PTPRD: variants seen among roughly 807,000 people sequenced by gnomAD.
PTPRD encodes the protein receptor-type tyrosine-protein phosphatase delta.
A neutral mutation model predicts 214.5 loss-of-function variants in PTPRD; 34 were observed. The ratio of observed to expected loss-of-function variants is 0.16; its 90% CI spans 0.12 to 0.21. The LOEUF (loss-of-function observed/expected upper bound fraction) is 0.21, where lower values mean the gene tolerates loss of function less well. PTPRD is among the 10% of genes least tolerant of loss of function. The pLI is 1.00. For synonymous variants in PTPRD, 1,128 were observed against 845.7 expected (o/e 1.33, Z -5.79); for missense variants, 2,545 against 2,398.7 (o/e 1.06, Z -1.27).
chr9:9,007,029 AAAGT>A (rs1368563218), intron 11 of PTPRD, among the ~76,000 whole-genome samples: 2 of 151,974 alleles, frequency 1.3e-5, no homozygotes, highest in Non-Finnish European at 2.9e-5. Flanking sequence ...TAGCAAGTAA[AAAGT>A]AAGTTCAGCT....
chr9:8,687,788 A>C (rs1292666683), intron 12 of PTPRD, among the ~76,000 whole-genome samples: 1 of 151,558 alleles, frequency 6.6e-6, no homozygotes, highest in Admixed American at 6.6e-5. Context: ...AGTAAGTTTC[A>C]CATTTTATAT....
intron 9 of PTPRD, among the ~76,000 whole-genome samples, chr9:9,310,924 A>AATAT (rs1958777466): frequency 7.4e-6 from 1 of 135,896 alleles, no homozygotes; most frequent in Non-Finnish European, 1.5e-5. Context: ...GTCTCAGATA[A>AATAT]ATAAATAAAT....
At chr9:10,350,210 A>G (rs1157296538) in intron 2 of PTPRD, among the ~76,000 whole-genome samples, 1 of 152,126 alleles carries the variant, frequency 6.6e-6, no homozygotes, top group Admixed American at 6.6e-5. Context: ...AGGCCTTATC[A>G]GTTTTTAAAT....
chr9:9,686,946 G>A (rs2097176071), intron 7 of PTPRD, among the ~76,000 whole-genome samples: 1 of 151,654 alleles, frequency 6.6e-6, no homozygotes, highest in Non-Finnish European at 1.5e-5. Context: ...AAACAAAAAT[G>A]TATAAGACAT....
intron 15 of PTPRD, among the ~76,000 whole-genome samples, chr9:8,527,877 A>G (rs1209749915): frequency 1.3e-5 from 2 of 152,144 alleles, no homozygotes; most frequent in African/African-American, 2.4e-5. Context: ...GGAGGGTTCA[A>G]AAACCTTGAC....
chr9:9,423,124 A>G (rs916940719), intron 8 of PTPRD, among the ~76,000 whole-genome samples: 2 of 152,126 alleles, frequency 1.3e-5, no homozygotes, highest in African/African-American at 4.8e-5. Context: ...TCTGCCTGCT[A>G]GAAGATAGAG....
At chr9:9,375,348 A>G (rs756129278) in intron 9 of PTPRD, among the ~76,000 whole-genome samples, 14 of 152,302 alleles carry the variant, frequency 9.2e-5, no homozygotes, top group Non-Finnish European at 1.2e-4. Flanking sequence ...CTATAATCAC[A>G]GAACTTTGGG....
chr9:9,094,091 A>T (rs2099780088), intron 10 of PTPRD, among the ~76,000 whole-genome samples: 1 of 152,210 alleles, frequency 6.6e-6, no homozygotes, highest in African/African-American at 2.4e-5. Flanking sequence ...TTAAGAAACA[A>T]AGTACCAATG....
At chr9:9,602,273 T>G (rs2093829827) in intron 7 of PTPRD, among the ~76,000 whole-genome samples, 1 of 152,096 alleles carries the variant, frequency 6.6e-6, no homozygotes, top group African/African-American at 2.4e-5. Context: ...ATTATACAAA[T>G]GATTTAGGCA....
chr9:8,809,504 C>T (rs929607605), intron 11 of PTPRD, among the ~76,000 whole-genome samples: 45 of 152,180 alleles, frequency 3.0e-4, no homozygotes, highest in African/African-American at 1.0e-3. Context: ...TTTCCATTTA[C>T]ACCTCCCTGA....
intron 2 of PTPRD, among the ~76,000 whole-genome samples, chr9:10,520,104 G>C (rs1236676022): frequency 6.6e-6 from 1 of 152,178 alleles, no homozygotes; most frequent in Non-Finnish European, 1.5e-5. Context: ...ATTAAGCTTA[G>C]TGAGGAAAGC....
At chr9:8,883,027 T>TC (rs149334913) in intron 11 of PTPRD, among the ~76,000 whole-genome samples, 233 of 152,132 alleles carry the variant, frequency 1.5e-3, no homozygotes, top group African/African-American at 4.7e-3. Context: ...CATACTTTTT[T>TC]CCCCCCACAG....
At chr9:9,792,501 C>G (rs1475596124) in intron 5 of PTPRD, among the ~76,000 whole-genome samples, 2 of 151,918 alleles carry the variant, frequency 1.3e-5, no homozygotes, top group African/African-American at 4.8e-5. Flanking sequence ...TCCCATTTAC[C>G]CCACTGGCAT....
intron 3 of PTPRD, among the ~76,000 whole-genome samples, chr9:10,123,672 T>G (rs1253638550): frequency 6.6e-6 from 1 of 152,152 alleles, no homozygotes; most frequent in Non-Finnish European, 1.5e-5. Flanking sequence ...AAGAACACCG[T>G]TATTTTGGAA....
intron 7 of PTPRD, among the ~76,000 whole-genome samples, chr9:9,694,682 C>T (rs576808820): frequency 3.3e-5 from 5 of 152,226 alleles, no homozygotes; most frequent in East Asian, 3.9e-4. Context: ...CTCAAACTAC[C>T]ACACCAAGTC....
chr9:8,947,681 G>T (rs2099074447), intron 11 of PTPRD, among the ~76,000 whole-genome samples: 1 of 151,950 alleles, frequency 6.6e-6, no homozygotes, highest in South Asian at 2.1e-4. Context: ...TGTTTCTGTT[G>T]ATGGGTAGGT....
chr9:10,517,474 C>G (rs552298491), intron 2 of PTPRD, among the ~76,000 whole-genome samples: 1 of 151,994 alleles, frequency 6.6e-6, no homozygotes, highest in South Asian at 2.1e-4. Flanking sequence ...TTTGTGGACT[C>G]TAGGGTTTTC....
intron 10 of PTPRD, among the ~76,000 whole-genome samples, chr9:9,100,363 C>T (rs1033926577): frequency 5.3e-5 from 8 of 152,130 alleles, no homozygotes; most frequent in African/African-American, 1.9e-4. Context: ...CTAAGATATA[C>T]TGATTTCTGA....
intron 31 of PTPRD, among the ~76,000 whole-genome samples, chr9:8,470,547 G>A (rs527690106): frequency 1.3e-5 from 2 of 152,236 alleles, no homozygotes; most frequent in South Asian, 4.1e-4. Context: ...ACAGAATTCT[G>A]TGAGAAACTG....
Sources: allele counts gnomAD v4.1 joint callset (sites outside exome capture counted in the v4.1 genomes callset), GRCh38; gene constraint gnomAD v4.1.1; transcripts MANE v1.5; gene names NCBI Gene and HGNC (gene_info 2026-07-23, HGNC 2026-07-21).